ACKR2: variants seen among roughly 807,000 people sequenced by gnomAD.
ACKR2 encodes C-C chemokine receptor D6.
For synonymous variants in ACKR2, 207 were observed against 192.2 expected, an observed-to-expected ratio of 1.08 and a Z score of -0.64; for missense variants, 457 against 477.3, an observed-to-expected ratio of 0.96 and a Z score of 0.40.
chr3:42,828,926 G>A (rs555911780), intron 2 of ACKR2, among the ~76,000 whole-genome samples: 1 of 152,172 alleles, frequency 6.6e-6, no homozygotes, highest in South Asian at 2.1e-4. Context: ...GACTAAATGA[G>A]TGATATCTTT....
intron 2 of ACKR2, among the ~76,000 whole-genome samples, chr3:42,860,327 A>C (rs1337781707): frequency 1.3e-5 from 2 of 152,156 alleles, no homozygotes. Flanking sequence ...ATATGCACCC[A>C]AAACAGGAGC....
At chr3:42,810,873 T>G (rs1700688290) in intron 1 of ACKR2, among the ~76,000 whole-genome samples, 1 of 152,204 alleles carries the variant, frequency 6.6e-6, no homozygotes, top group Non-Finnish European at 1.5e-5. Context: ...TCCTCATTCC[T>G]TTTTTGAGAT....
chr3:42,825,896 G>A (rs1317763797), intron 2 of ACKR2, among the ~76,000 whole-genome samples: 1 of 147,210 alleles, frequency 6.8e-6, no homozygotes, highest in Non-Finnish European at 1.5e-5. Context: ...CATTAATCAG[G>A]TTGAGGATGT....
chr3:42,832,198 T>C (rs901458312), intron 2 of ACKR2, among the ~76,000 whole-genome samples: 1 of 152,120 alleles, frequency 6.6e-6, no homozygotes, highest in African/African-American at 2.4e-5. Flanking sequence ...TAGAAATTCA[T>C]TGCCATCAGG....
At chr3:42,837,553 G>A (rs1183208673) in intron 2 of ACKR2, among the ~76,000 whole-genome samples, 1 of 152,158 alleles carries the variant, frequency 6.6e-6, no homozygotes, top group South Asian at 2.1e-4. Flanking sequence ...GAGACTAAGA[G>A]TGTATTCCAG....
chr3:42,814,948 AG>A (rs1336492843), intron 1 of ACKR2, among the ~76,000 whole-genome samples: 1 of 152,204 alleles, frequency 6.6e-6, no homozygotes, highest in East Asian at 1.9e-4. Context: ...CAGCAAACAG[AG>A]GGCAGAAGAA....
chr3:42,814,444 G>C (rs1700729384), intron 1 of ACKR2, among the ~76,000 whole-genome samples: 1 of 152,146 alleles, frequency 6.6e-6, no homozygotes, highest in African/African-American at 2.4e-5. Context: ...GCTGCAAATA[G>C]CTGTCTACAC....
Position 42,822,448 on chromosome 3 carries a change from A to G in ACKR2, c.-38+2737A>G, listed in dbSNP as rs184091341. 3.3e-5 allele frequency among the ~76,000 whole-genome samples: 5 copies of G among 152,262 alleles called. No homozygotes were observed. The East Asian group carries it at 9.6e-4, about 29-fold the overall frequency. On this transcript the variant is annotated intron_variant, in intron 2 of 2. Transcript: ENST00000422265. ...CTTTTGAAACACACTCCCTTTTCCTAGTACTTGTATTTTCTTGAGTCACTT... is the reference window on the plus strand; with the variant it reads ...CTTTTGAAACACACTCCCTTTTCCTGGTACTTGTATTTTCTTGAGTCACTT...
chr3:42,829,934 C>T (rs867749042), intron 2 of ACKR2, among the ~76,000 whole-genome samples: 34 of 152,342 alleles, frequency 2.2e-4, no homozygotes, highest in Middle Eastern at 6.8e-3. Flanking sequence ...AAAAGAAAAT[C>T]AGCCCCCATA....
chr3:42,826,722 C>T (rs899684595), intron 2 of ACKR2, among the ~76,000 whole-genome samples: 4 of 151,998 alleles, frequency 2.6e-5, no homozygotes, highest in Non-Finnish European at 5.9e-5. Context: ...TATTCATATT[C>T]TCTCATTCAT....
chr3:42,845,626 T>C (rs746122550), intron 2 of ACKR2, among the ~76,000 whole-genome samples: 1 of 152,084 alleles, frequency 6.6e-6, no homozygotes, highest in Non-Finnish European at 1.5e-5. Flanking sequence ...AGCCTCCGAC[T>C]GACATTTTAA....
intron 2 of ACKR2, among the ~76,000 whole-genome samples, chr3:42,857,994 C>A (rs1454672932): frequency 1.3e-5 from 2 of 152,242 alleles, no homozygotes; most frequent in African/African-American, 4.8e-5. Context: ...CCGGGCAGGG[C>A]ATCTCTGAAA....
In ACKR2 at chr3:42,865,275, C is replaced by T. The variant is rs765210048; in HGVS notation, c.773C>T (p.Ala258Val). The change falls in exon 3 of 3, where the codon GCC (alanine) becomes GTC (valine). Residue 258 changes from alanine to valine, a missense_variant. Ala to Val is a moderately conservative substitution (Grantham distance 64). Coordinates refer to ENST00000422265, the MANE Select transcript of ACKR2 (RefSeq NM_001296.5). ...ALKIAAALVV[A>V]FFVLWFPYNL... ...AAAATAGCTGCAGCCTTGGTGGTGGCCTTCTTCGTGCTATGGTTCCCATAC... is the reference window on the plus strand; with the variant it reads ...AAAATAGCTGCAGCCTTGGTGGTGGTCTTCTTCGTGCTATGGTTCCCATAC... 3 of 1,614,190 alleles carry T rather than the reference C, an allele frequency of 1.9e-6. No individual in the cohort carries two copies. The highest frequency in any genetic ancestry group is 2.2e-5 in the South Asian group (2 of 91,082).
chr3:42,822,780 C>A (rs375656902), intron 2 of ACKR2, among the ~76,000 whole-genome samples: 55 of 135,422 alleles, frequency 4.1e-4, no homozygotes, highest in African/African-American at 1.5e-3. Context: ...CATCACTGCA[C>A]TGCAGCCTGG....
chr3:42,823,084 T>C (rs1165012438), intron 2 of ACKR2, among the ~76,000 whole-genome samples: 2 of 152,176 alleles, frequency 1.3e-5, no homozygotes, highest in East Asian at 1.9e-4. Context: ...AGCCCCATTA[T>C]TCCACCAGGC....
At chr3:42,859,584 T>A (rs1449032952) in intron 2 of ACKR2, among the ~76,000 whole-genome samples, 3 of 152,080 alleles carry the variant, frequency 2.0e-5, no homozygotes, top group Non-Finnish European at 4.4e-5. Flanking sequence ...GGTTTCACCG[T>A]GTTAGCCAGG....
intron 1 of ACKR2, among the ~76,000 whole-genome samples, chr3:42,810,653 C>A (rs544418268): frequency 1.3e-5 from 2 of 152,136 alleles, no homozygotes; most frequent in Admixed American, 6.5e-5. Flanking sequence ...AATTGTACGA[C>A]CCGACCACTA....
At chr3:42,817,582 A>C (rs1022843887) in intron 1 of ACKR2, among the ~76,000 whole-genome samples, 1 of 152,094 alleles carries the variant, frequency 6.6e-6, no homozygotes, top group Non-Finnish European at 1.5e-5. Context: ...TCGCCCCTGC[A>C]TCCAGGCTTC....
intron 1 of ACKR2, among the ~76,000 whole-genome samples, chr3:42,816,847 C>A (rs1700755869): frequency 6.6e-6 from 1 of 152,040 alleles, no homozygotes; most frequent in African/African-American, 2.4e-5. Flanking sequence ...CGTGAGCCAC[C>A]ATGCCTGTCT....
Sources: allele counts gnomAD v4.1 joint callset (sites outside exome capture counted in the v4.1 genomes callset), GRCh38; gene constraint gnomAD v4.1.1; transcripts MANE v1.5; gene names NCBI Gene and HGNC (gene_info 2026-07-23, HGNC 2026-07-21).